The following ADAMTSL1 variants were observed in gnomAD, a reference collection of about 807,000 sequenced individuals.
ADAMTSL1 encodes ADAMTS-like protein 1.
Under a neutral mutation model 201.8 loss-of-function variants are expected in ADAMTSL1, and 126 were observed. The ratio of observed to expected loss-of-function variants is 0.62; its 90% CI spans 0.54 to 0.72. The LOEUF is 0.72. Ranked by LOEUF, ADAMTSL1 falls within the 30% of genes least tolerant of loss-of-function variation. The pLI, the probability that ADAMTSL1 is intolerant of heterozygous loss-of-function variation, is 0.00. For synonymous variants in ADAMTSL1, 1,121 were observed against 903.4 expected (o/e 1.24, Z -4.32); for missense variants, 2,679 against 2,277.8 (o/e 1.18, Z -3.59).
chr9:18,126,459 G>A (rs1825732141), intron 1 of ADAMTSL1, among the ~76,000 whole-genome samples: 1 of 152,002 alleles, frequency 6.6e-6, no homozygotes, highest in South Asian at 2.1e-4. Flanking sequence ...AGCCCCTTTG[G>A]CGTTGTCTTT....
At chr9:18,581,375 G>A (rs1229674782) in intron 4 of ADAMTSL1, among the ~76,000 whole-genome samples, 3 of 152,114 alleles carry the variant, frequency 2.0e-5, no homozygotes, top group African/African-American at 4.8e-5. Context: ...GGCATCAGAG[G>A]TTTTGACTTT....
chr9:17,959,216 C>G (rs1007845026), intron 1 of ADAMTSL1, among the ~76,000 whole-genome samples: 2 of 152,104 alleles, frequency 1.3e-5, no homozygotes, highest in African/African-American at 2.4e-5. Flanking sequence ...TAGAATTTGG[C>G]TGAACAGCAT....
intron 2 of ADAMTSL1, among the ~76,000 whole-genome samples, chr9:18,254,297 G>A (rs553438776): frequency 7.2e-4 from 96 of 132,450 alleles, no homozygotes; most frequent in Non-Finnish European, 1.2e-3. Context: ...TCTTTTCATA[G>A]TATCTTAAAC....
intron 17 of ADAMTSL1, among the ~76,000 whole-genome samples, chr9:18,771,920 T>C (rs1820715857): frequency 6.6e-6 from 1 of 152,176 alleles, no homozygotes; most frequent in Admixed American, 6.5e-5. Flanking sequence ...GCTAAGTGCA[T>C]TGCAATTAAG....
intron 1 of ADAMTSL1, among the ~76,000 whole-genome samples, chr9:18,094,532 C>G (rs1451187852): frequency 6.6e-6 from 1 of 152,084 alleles, no homozygotes; most frequent in African/African-American, 2.4e-5. Context: ...TGTGCCTGGC[C>G]CTCTGATTTC....
intron 20 of ADAMTSL1, among the ~76,000 whole-genome samples, chr9:18,814,591 G>C: frequency 6.6e-6 from 1 of 152,156 alleles, no homozygotes; most frequent in East Asian, 1.9e-4. Flanking sequence ...TAGGAACATG[G>C]ATGGAGCTGG....
chr9:18,734,066 T>C (rs1378629918), intron 15 of ADAMTSL1, among the ~76,000 whole-genome samples: 3 of 152,158 alleles, frequency 2.0e-5, no homozygotes, highest in Admixed American at 2.0e-4. Context: ...CCAATTCATA[T>C]AGTATGCTGC....
intron 2 of ADAMTSL1, among the ~76,000 whole-genome samples, chr9:18,172,858 G>A (rs557088617): frequency 6.8e-4 from 104 of 152,026 alleles, no homozygotes; most frequent in African/African-American, 2.4e-3. Flanking sequence ...TTACAACATG[G>A]CATCATTTTT....
intron 4 of ADAMTSL1, among the ~76,000 whole-genome samples, chr9:18,617,500 CA>C (rs1223256580): frequency 1.8e-5 from 2 of 112,364 alleles, no homozygotes; most frequent in African/African-American, 7.0e-5. Context: ...TTTTTTTTGG[CA>C]GGGGGGAGGG....
chr9:18,704,013 A>G (rs1035017438), intron 13 of ADAMTSL1, among the ~76,000 whole-genome samples: 1 of 152,006 alleles, frequency 6.6e-6, no homozygotes, highest in Admixed American at 6.5e-5. Context: ...GTGAAAAGAG[A>G]TGGAAACTAA....
chr9:18,269,431 A>G (rs2132569750), intron 2 of ADAMTSL1, among the ~76,000 whole-genome samples: 1 of 152,274 alleles, frequency 6.6e-6, no homozygotes, highest in African/African-American at 2.4e-5. Context: ...TGACACTTTG[A>G]GTTCTAAGAA....
chr9:18,548,191 A>G (rs2132203364), intron 3 of ADAMTSL1, among the ~76,000 whole-genome samples: 1 of 152,158 alleles, frequency 6.6e-6, no homozygotes, highest in South Asian at 2.1e-4. Context: ...TGGGCATGTG[A>G]AGAAAAGTTA....
At chr9:17,975,178 A>G (rs1818394344) in intron 1 of ADAMTSL1, among the ~76,000 whole-genome samples, 1 of 151,894 alleles carries the variant, frequency 6.6e-6, no homozygotes, top group Non-Finnish European at 1.5e-5. Flanking sequence ...AAAAATGTCC[A>G]TTCAGGTTCT....
intron 4 of ADAMTSL1, among the ~76,000 whole-genome samples, chr9:18,575,368 T>C (rs1822646748): frequency 6.6e-6 from 1 of 152,182 alleles, no homozygotes; most frequent in African/African-American, 2.4e-5. Context: ...ATGAAACATA[T>C]CTTAAGGTTT....
chr9:18,495,450 A>T (rs928820462), intron 1 of ADAMTSL1, among the ~76,000 whole-genome samples: 1 of 152,192 alleles, frequency 6.6e-6, no homozygotes. Context: ...TCTCTACCTT[A>T]CATGGTTTCC....
intron 1 of ADAMTSL1, among the ~76,000 whole-genome samples, chr9:18,099,159 G>T (rs1264716782): frequency 6.7e-5 from 10 of 149,070 alleles, no homozygotes; most frequent in African/African-American, 2.5e-4. Flanking sequence ...TATATTTGGA[G>T]ATCCACGTTG....
chr9:18,487,416 T>C (rs1822054414), intron 1 of ADAMTSL1, among the ~76,000 whole-genome samples: 1 of 152,198 alleles, frequency 6.6e-6, no homozygotes, highest in Admixed American at 6.5e-5. Context: ...CAAATAGGTA[T>C]TTATGTTTTA....
At chr9:18,266,398 A>T (rs1832118936) in intron 2 of ADAMTSL1, among the ~76,000 whole-genome samples, 1 of 152,306 alleles carries the variant, frequency 6.6e-6, no homozygotes, top group African/African-American at 2.4e-5. Flanking sequence ...CGGCCAAGAG[A>T]ACTGAATGAG....
chr9:17,991,793 T>G (rs532542546), intron 1 of ADAMTSL1, among the ~76,000 whole-genome samples: 62 of 152,280 alleles, frequency 4.1e-4, no homozygotes, highest in African/African-American at 1.4e-3. Context: ...TCATGTAACT[T>G]CCTCGATTAT....
Sources: gnomAD v4.1 joint callset for allele counts (sites outside exome capture counted in the v4.1 genomes callset) on GRCh38, gnomAD v4.1.1 for gene constraint, MANE v1.5 for transcripts, NCBI Gene and HGNC (gene_info 2026-07-23, HGNC 2026-07-21) for gene names.